RBFOX1: variants seen among roughly 807,000 people sequenced by gnomAD.
RBFOX1 encodes the protein RNA binding fox-1 homolog 1.
RBFOX1 carries 8 observed loss-of-function variants against 57.7 expected under a neutral mutation model. The observed-to-expected ratio is 0.14, with a 90% CI of 0.08 to 0.25. RBFOX1 has a LOEUF of 0.25. Among genes scored for constraint, RBFOX1 ranks in the 10% least tolerant of loss-of-function variants. RBFOX1 has a pLI of 1.00. For missense variants in RBFOX1, 611 were observed against 548.5 expected (o/e 1.11, Z -1.14); for synonymous variants, 326 against 222.4 (o/e 1.47, Z -4.15).
chr16:6,691,561 A>G (rs2060212859), intron 3 of RBFOX1, among the ~76,000 whole-genome samples: 1 of 152,130 alleles, frequency 6.6e-6, no homozygotes, highest in Non-Finnish European at 1.5e-5. Flanking sequence ...CACGCGTTAT[A>G]TGTATCATTT....
intron 1 of RBFOX1, among the ~76,000 whole-genome samples, chr16:6,232,413 G>C (rs986801886): frequency 6.6e-6 from 1 of 152,178 alleles, no homozygotes; most frequent in South Asian, 2.1e-4. Context: ...GACCGAATGA[G>C]AGTAGAATGT....
intron 3 of RBFOX1, among the ~76,000 whole-genome samples, chr16:6,926,367 A>T (rs1247647010): frequency 2.0e-5 from 3 of 152,192 alleles, no homozygotes; most frequent in Non-Finnish European, 4.4e-5. Flanking sequence ...GAGTTGTGCA[A>T]CAGGAGACCC....
At chr16:7,529,924 A>G (rs1267531101) in intron 5 of RBFOX1, among the ~76,000 whole-genome samples, 1 of 148,810 alleles carries the variant, frequency 6.7e-6, no homozygotes, top group African/African-American at 2.5e-5. Context: ...CAGGAGAATC[A>G]CTTGAATGCA....
chr16:5,360,370 G>C (rs1195125228), intron 1 of RBFOX1, among the ~76,000 whole-genome samples: 1 of 152,208 alleles, frequency 6.6e-6, no homozygotes, highest in Non-Finnish European at 1.5e-5. Flanking sequence ...TATTTTCTGT[G>C]TTCTGCTTCT....
intron 4 of RBFOX1, among the ~76,000 whole-genome samples, chr16:7,431,846 C>G (rs866190055): frequency 9.2e-5 from 14 of 152,202 alleles, no homozygotes; most frequent in Non-Finnish European, 1.8e-4. Flanking sequence ...GAACACTTAA[C>G]TGTTAAGGTA....
intron 1 of RBFOX1, among the ~76,000 whole-genome samples, chr16:6,153,526 T>G: frequency 6.6e-6 from 1 of 152,032 alleles, no homozygotes; most frequent in East Asian, 1.9e-4. Context: ...GTTCCCAAAG[T>G]CCATTGTACG....
At chr16:5,944,046 A>C (rs1397989938) in intron 4 of RBFOX1, among the ~76,000 whole-genome samples, 1 of 151,430 alleles carries the variant, frequency 6.6e-6, no homozygotes, top group African/African-American at 2.4e-5. Flanking sequence ...AGTTATCATC[A>C]ATCCATCCAT....
At chr16:6,187,142 A>G (rs2097110305) in intron 1 of RBFOX1, among the ~76,000 whole-genome samples, 1 of 152,130 alleles carries the variant, frequency 6.6e-6, no homozygotes, top group African/African-American at 2.4e-5. Flanking sequence ...TTAGAAAGTT[A>G]TTGTCATGCT....
At chr16:7,320,826 A>G (rs1486257441) in intron 4 of RBFOX1, among the ~76,000 whole-genome samples, 7 of 152,256 alleles carry the variant, frequency 4.6e-5, no homozygotes. Flanking sequence ...CAACCGCACA[A>G]CAACCCTGTA....
chr16:6,920,497 G>C lies in RBFOX1; in HGVS notation c.-15-131560G>C, dbSNP rs1036146878. 4.6e-5 allele frequency among the ~76,000 whole-genome samples: 7 copies of C among 152,316 alleles called. No homozygotes were observed. The East Asian group carries it at 1.3e-3, about 29-fold the overall frequency. The stretch of plus-strand genomic sequence containing the variant: ...ATTAAGGGAGCACCGAGTCCACAGA[G>C]GCTCTTGTAATTGCCAAGGGCTACC... On this transcript the variant is annotated intron_variant, in intron 3 of 15. Transcript: ENST00000550418.
intron 3 of RBFOX1, among the ~76,000 whole-genome samples, chr16:5,792,654 C>A (rs1030103796): frequency 2.0e-5 from 3 of 152,032 alleles, no homozygotes; most frequent in African/African-American, 7.2e-5. Context: ...ACCAGCCTGG[C>A]CAACGTGCTG....
At chr16:6,967,604 C>T (rs57805877) in intron 3 of RBFOX1, among the ~76,000 whole-genome samples, 3,341 of 152,086 alleles carry the variant, frequency 0.022, 124 homozygotes, top group African/African-American at 0.076. Context: ...TTCACCCTGC[C>T]CCTCAGTACT....
chr16:7,272,547 A>G (rs572353932), intron 4 of RBFOX1, among the ~76,000 whole-genome samples: 1 of 152,292 alleles, frequency 6.6e-6, no homozygotes, highest in East Asian at 1.9e-4. Context: ...CATTCATCAA[A>G]TATTTATAGG....
chr16:6,677,770 A>G (rs1296849745), intron 3 of RBFOX1, among the ~76,000 whole-genome samples: 1 of 152,228 alleles, frequency 6.6e-6, no homozygotes, highest in African/African-American at 2.4e-5. Context: ...ACATCACTAT[A>G]CAAGTTATTA....
At chr16:7,273,204 CCCTTCCTT>C (rs545705118) in intron 4 of RBFOX1, among the ~76,000 whole-genome samples, 668 of 35,146 alleles carry the variant, frequency 0.019, 21 homozygotes, top group East Asian at 0.051. Flanking sequence ...CTTCCTCCCT[CCCTTCCTT>C]CCTTCCTTCC....
intron 1 of RBFOX1, among the ~76,000 whole-genome samples, chr16:5,309,430 T>C (rs2064023375): frequency 6.6e-6 from 1 of 152,230 alleles, no homozygotes; most frequent in Non-Finnish European, 1.5e-5. Flanking sequence ...CCAAAGTTGA[T>C]TGATCCTGAA....
At chr16:7,496,338 T>G (rs1430541422) in intron 4 of RBFOX1, among the ~76,000 whole-genome samples, 1 of 152,150 alleles carries the variant, frequency 6.6e-6, no homozygotes, top group Non-Finnish European at 1.5e-5. Context: ...GGATGGGGTT[T>G]CATCATGTTG....
At chr16:7,060,383 A>C (rs2153745761) in intron 4 of RBFOX1, among the ~76,000 whole-genome samples, 1 of 152,320 alleles carries the variant, frequency 6.6e-6, no homozygotes, top group East Asian at 1.9e-4. Flanking sequence ...CATTCAAAGA[A>C]AAGGCCTTAG....
intron 3 of RBFOX1, among the ~76,000 whole-genome samples, chr16:5,695,916 A>G (rs893176698): frequency 6.6e-6 from 1 of 152,208 alleles, no homozygotes; most frequent in Non-Finnish European, 1.5e-5. Context: ...CCTCTTAAAT[A>G]TATGTAATAA....
Sources: allele counts gnomAD v4.1 joint callset (sites outside exome capture counted in the v4.1 genomes callset), GRCh38; gene constraint gnomAD v4.1.1; transcripts MANE v1.5; gene names NCBI Gene and HGNC (gene_info 2026-07-23, HGNC 2026-07-21).